SKAP1: variants seen among roughly 807,000 people sequenced by gnomAD.
The protein encoded by SKAP1 is src kinase associated phosphoprotein 1, also known as src kinase-associated phosphoprotein 1.
A neutral mutation model predicts 58.5 loss-of-function variants in SKAP1; 44 were observed. The observed-to-expected ratio is 0.75, with a 90% CI of 0.59 to 0.97. The LOEUF is 0.97. Among genes scored for constraint, SKAP1 ranks in the 50% least tolerant of loss-of-function variants. SKAP1 has a pLI of 0.00. For synonymous variants in SKAP1, 127 were observed against 149.7 expected (o/e 0.85, Z 1.11); for missense variants, 390 against 435.2 (o/e 0.90, Z 0.92).
At chr17:48,206,043 G>A (rs991133364) in intron 4 of SKAP1, among the ~76,000 whole-genome samples, 4 of 152,204 alleles carry the variant, frequency 2.6e-5, no homozygotes, top group Admixed American at 2.0e-4. Context: ...AGAGCAGCCA[G>A]CCCAGAGTGG....
chr17:48,279,646 C>T (rs537059787), intron 4 of SKAP1, among the ~76,000 whole-genome samples: 3 of 152,188 alleles, frequency 2.0e-5, no homozygotes, highest in South Asian at 2.1e-4. Context: ...ATTCCACTGC[C>T]GAGAAATTGA....
chr17:48,302,802 A>G, intron 4 of SKAP1, among the ~76,000 whole-genome samples: 1 of 152,184 alleles, frequency 6.6e-6, no homozygotes, highest in East Asian at 1.9e-4. Flanking sequence ...CTCTGGGAGC[A>G]CTTACTTGGG....
At chr17:48,155,474 A>G (rs538898578) in intron 11 of SKAP1, among the ~76,000 whole-genome samples, 135 of 152,264 alleles carry the variant, frequency 8.9e-4, no homozygotes, top group Non-Finnish European at 1.6e-3. Context: ...ACTGGAGCCA[A>G]GAAGACAGGG....
At chr17:48,217,728 G>T (rs976165876) in intron 4 of SKAP1, among the ~76,000 whole-genome samples, 5 of 151,964 alleles carry the variant, frequency 3.3e-5, no homozygotes, top group African/African-American at 9.7e-5. Flanking sequence ...AAAGAAATTT[G>T]TTAAAAAAAA....
intron 4 of SKAP1, among the ~76,000 whole-genome samples, chr17:48,333,307 T>C (rs2066528783): frequency 6.6e-6 from 1 of 152,138 alleles, no homozygotes. Context: ...AACATAAGTA[T>C]GTAAGAAGCA....
chr17:48,260,532 G>GA (rs1179542660), intron 4 of SKAP1, among the ~76,000 whole-genome samples: 1 of 152,136 alleles, frequency 6.6e-6, no homozygotes, highest in Admixed American at 6.5e-5. Flanking sequence ...GCAAAGATAA[G>GA]AAGGGTCATT....
At chr17:48,347,818 A>G (rs2066742779) in intron 3 of SKAP1, among the ~76,000 whole-genome samples, 1 of 151,950 alleles carries the variant, frequency 6.6e-6, no homozygotes, top group African/African-American at 2.4e-5. Flanking sequence ...AAATTATATT[A>G]TCAACACAAT....
intron 4 of SKAP1, among the ~76,000 whole-genome samples, chr17:48,256,299 T>C (rs1430892073): frequency 6.6e-6 from 1 of 152,114 alleles, no homozygotes; most frequent in Non-Finnish European, 1.5e-5. Context: ...AATGGTCTGA[T>C]ATTACATACA....
In SKAP1 at chr17:48,403,995, A is replaced by G. The variant is rs550680312; in HGVS notation, c.47-7210T>C. ...TCCTTGCTACTTGGGAGGCTGAGGC[A>G]GGAGAATCCCTTGAACCTGGGAGGC... On this transcript the variant is annotated intron_variant, in intron 1 of 12. Transcript: ENST00000336915. Among the ~76,000 whole-genome samples the G allele has an allele frequency of 4.9e-4, 75 of 151,810 alleles. 1 individual carries two copies. Among genetic ancestry groups the G allele is most frequent in the Admixed American group, 1.3e-3 (20 of 15,236 alleles).
At chr17:48,277,309 A>G (rs750789756) in intron 4 of SKAP1, among the ~76,000 whole-genome samples, 3 of 152,212 alleles carry the variant, frequency 2.0e-5, no homozygotes, top group Non-Finnish European at 4.4e-5. Context: ...AGAAAACTAG[A>G]TATTTCATAC....
chr17:48,272,476 C>T (rs1401890150), intron 4 of SKAP1, among the ~76,000 whole-genome samples: 1 of 151,968 alleles, frequency 6.6e-6, no homozygotes, highest in South Asian at 2.1e-4. Flanking sequence ...GTTGCGATTG[C>T]CATTATAAGT....
chr17:48,228,203 T>C (rs1409940780), intron 4 of SKAP1, among the ~76,000 whole-genome samples: 1 of 151,694 alleles, frequency 6.6e-6, no homozygotes, highest in Non-Finnish European at 1.5e-5. Context: ...CAAAGAGAGA[T>C]AGAGAGATAG....
chr17:48,164,204 A>G (rs1282768073), intron 10 of SKAP1, among the ~76,000 whole-genome samples: 1 of 152,258 alleles, frequency 6.6e-6, no homozygotes, highest in Non-Finnish European at 1.5e-5. Context: ...CAGAGGATAT[A>G]TTATGAATTT....
At chr17:48,311,035 C>G (rs758753214) in intron 4 of SKAP1, among the ~76,000 whole-genome samples, 6 of 152,192 alleles carry the variant, frequency 3.9e-5, no homozygotes, top group East Asian at 3.8e-4. Context: ...CGCCGCCCCC[C>G]CAGGCTGAGC....
intron 11 of SKAP1, chr17:48,156,436 G>C (rs1296220394): frequency 1.9e-6 from 1 of 525,520 alleles, no homozygotes; most frequent in Non-Finnish European, 3.9e-6. Flanking sequence ...ACCTGCACCA[G>C]CGCCACAATC....
At chr17:48,149,198 G>C (rs890240576) in intron 11 of SKAP1, among the ~76,000 whole-genome samples, 8 of 152,196 alleles carry the variant, frequency 5.3e-5, no homozygotes, top group African/African-American at 1.9e-4. Flanking sequence ...CTCATTAGGA[G>C]AGGACTCTGT....
chr17:48,349,007 A>G (rs558121578), intron 3 of SKAP1, among the ~76,000 whole-genome samples: 1 of 152,328 alleles, frequency 6.6e-6, no homozygotes, highest in South Asian at 2.1e-4. Flanking sequence ...CTGATGATGG[A>G]GATGTTGTTA....
chr17:48,350,263 G>C (rs1214605810), intron 3 of SKAP1, among the ~76,000 whole-genome samples: 3 of 152,042 alleles, frequency 2.0e-5, no homozygotes, highest in Non-Finnish European at 4.4e-5. Flanking sequence ...ATATATGTTT[G>C]CTTATTCAAT....
chr17:48,181,618 C>T (rs1048622231), intron 8 of SKAP1, among the ~76,000 whole-genome samples: 2 of 152,126 alleles, frequency 1.3e-5, no homozygotes, highest in Non-Finnish European at 2.9e-5. Flanking sequence ...AAAGGCTTTG[C>T]GTTTTTAGCT....
Sources: gnomAD v4.1 joint callset for allele counts (sites outside exome capture counted in the v4.1 genomes callset) on GRCh38, gnomAD v4.1.1 for gene constraint, MANE v1.5 for transcripts, NCBI Gene and HGNC (gene_info 2026-07-23, HGNC 2026-07-21) for gene names.